The following MTCL1 variants were observed in gnomAD, a reference collection of about 807,000 sequenced individuals.
MTCL1 encodes microtubule cross-linking factor 1.
In MTCL1, 79 loss-of-function variants were observed where a neutral mutation model predicts 141.4. The observed-to-expected ratio is 0.56, with a 90% CI of 0.47 to 0.67. MTCL1 has a LOEUF of 0.67. Ranked by LOEUF, MTCL1 falls within the 30% of genes least tolerant of loss-of-function variation. The pLI, the probability that MTCL1 is intolerant of heterozygous loss-of-function variation, is 0.00. For synonymous variants in MTCL1, 914 were observed against 875.8 expected, an observed-to-expected ratio of 1.04 and a Z score of -0.77; for missense variants, 2,177 against 2,113.9, an observed-to-expected ratio of 1.03 and a Z score of -0.59.
At chr18:8,831,517 T>G (rs1232209125) in intron 16 of MTCL1, 90 bp from the exon 15 acceptor site, 1 of 1,503,396 alleles carries the variant, frequency 6.7e-7, no homozygotes, top group Non-Finnish European at 8.9e-7. Flanking sequence ...TTCATCTCAC[T>G]TGAGTCTGTT....
chr18:8,785,238 A>G (rs2096548125), intron 6 of MTCL1, among the ~76,000 whole-genome samples: 1 of 152,126 alleles, frequency 6.6e-6, no homozygotes, highest in Non-Finnish European at 1.5e-5. Flanking sequence ...AGGCTAAGAC[A>G]AACGCATGTC....
intron 11 of MTCL1, among the ~76,000 whole-genome samples, chr18:8,812,149 T>G (rs1419026449): frequency 2.6e-5 from 4 of 152,142 alleles, no homozygotes; most frequent in Non-Finnish European, 5.9e-5. Context: ...AAATAATGAG[T>G]TTTATATTTA....
At chr18:8,789,432 C>T in intron 7 of MTCL1, 1 of 985,418 alleles carries the variant, frequency 1.0e-6, no homozygotes, top group African/African-American at 1.7e-5. Context: ...GAAAAGCCTT[C>T]CTTTTCTGTT....
intron 4 of MTCL1, among the ~76,000 whole-genome samples, chr18:8,772,022 AC>A (rs1425207013): frequency 6.6e-6 from 1 of 152,220 alleles, no homozygotes; most frequent in African/African-American, 2.4e-5. Context: ...TGGACACTTC[AC>A]CCAGAGTCCG....
exon 17 of MTCL1, chr18:8,831,723 G>A (rs2077197931): frequency 2.6e-6 from 4 of 1,550,444 alleles, no homozygotes; most frequent in Admixed American, 3.9e-5. Flanking sequence ...CTGCCTCACA[G>A]CCTCAGTCAC....
intron 4 of MTCL1, among the ~76,000 whole-genome samples, chr18:8,768,416 C>T (rs2096469206): frequency 6.6e-6 from 1 of 152,182 alleles, no homozygotes; most frequent in East Asian, 1.9e-4. Flanking sequence ...CAAAGTTTTA[C>T]TACTGTAATG....
chr18:8,788,033 C>A (rs148332188), intron 7 of MTCL1, among the ~76,000 whole-genome samples: 1 of 152,208 alleles, frequency 6.6e-6, no homozygotes, highest in African/African-American at 2.4e-5. Flanking sequence ...CTCTTAAAAG[C>A]CTTTTAATGA....
In MTCL1 at chr18:8,798,098, G is replaced by A. The variant is rs778562357; in HGVS notation, c.2243G>A (p.Gly748Asp). Residue 748 changes from glycine (G) to aspartate (D), a missense_variant and splice_region_variant, in exon 10 of 17, where the codon GGT becomes GAT. Coordinates refer to ENST00000359865, the Ensembl canonical transcript of MTCL1. ...ATCGTCACCTCCTGCCTGTTTCAGG[G>A]TGAACATCCAGAGACCCTCTCCAGG... 6.0e-5 allele frequency: 95 copies of A among 1,579,720 alleles called. No individual in the cohort carries two copies. Among genetic ancestry groups the A allele is most frequent in the Non-Finnish European group, 8.1e-5 (94 of 1,167,620 alleles).
intron 4 of MTCL1, among the ~76,000 whole-genome samples, chr18:8,743,536 C>G (rs1365367669): frequency 6.6e-6 from 1 of 152,244 alleles, no homozygotes; most frequent in East Asian, 1.9e-4. Flanking sequence ...ATGAAGTTTT[C>G]TGCAAGACTG....
intron 1 of MTCL1, among the ~76,000 whole-genome samples, chr18:8,710,874 T>A (rs1217896011): frequency 1.8e-5 from 2 of 113,432 alleles, no homozygotes; most frequent in Admixed American, 1.0e-4. Flanking sequence ...TTTTCTTTTT[T>A]CTTTTTTTTT....
chr18:8,825,197 C>T (rs776400433), exon 15 of MTCL1: 10 of 1,581,556 alleles, frequency 6.3e-6, no homozygotes, highest in Admixed American at 3.5e-5. Context: ...CCAAGGGAGG[C>T]CCTCCAGAAC....
chr18:8,825,149 CTT>C lies in MTCL1; in HGVS notation c.3641_3642del (p.Phe1214SerfsTer44). 1.9e-6 allele frequency: 3 copies of C among 1,584,134 alleles called. No individual in the cohort carries two copies. Among genetic ancestry groups the C allele is most frequent in the Non-Finnish European group, 2.6e-6 (3 of 1,164,150 alleles). ...TCACGGCGGCAGGTGGTGAGGGTCC[CTT>C]TCCCACAAGCAGAGCCAGAGGGAGC... On this transcript the variant is annotated frameshift_variant, in exon 15 of 17. Coordinates refer to ENST00000359865, the Ensembl canonical transcript of MTCL1. LOFTEE classifies it high-confidence loss of function.
At chr18:8,728,387 T>C (rs1235493445) in intron 4 of MTCL1, among the ~76,000 whole-genome samples, 1 of 152,162 alleles carries the variant, frequency 6.6e-6, no homozygotes, top group Non-Finnish European at 1.5e-5. Flanking sequence ...ACTTTGAAGA[T>C]AATATTTTAT....
intron 9 of MTCL1, among the ~76,000 whole-genome samples, chr18:8,797,600 T>C (rs2143902221): frequency 6.6e-6 from 1 of 152,360 alleles, no homozygotes; most frequent in Middle Eastern, 3.4e-3. Flanking sequence ...ACCTTTTGTC[T>C]GGTTTTCACT....
chr18:8,717,014 G>A (rs1023194068), upstream of MTCL1, among the ~76,000 whole-genome samples: 2 of 152,148 alleles, frequency 1.3e-5, no homozygotes, highest in Admixed American at 6.5e-5. Flanking sequence ...CAAAGCGAGC[G>A]TGCAGTTGTG....
chr18:8,794,280 T>C (rs12326073), intron 8 of MTCL1, among the ~76,000 whole-genome samples: 30,460 of 152,108 alleles, frequency 0.2, 3,169 homozygotes, highest in East Asian at 0.26. Flanking sequence ...GGGTTAATGA[T>C]GAAGGAGTAT....
chr18:8,809,275 C>T (rs633286), intron 11 of MTCL1, among the ~76,000 whole-genome samples: 45,072 of 152,070 alleles, frequency 0.3, 7,089 homozygotes, highest in African/African-American at 0.39. Flanking sequence ...ATTGCCAAAC[C>T]AGAATAGGAA....
intron 4 of MTCL1, among the ~76,000 whole-genome samples, chr18:8,760,009 C>G (rs1007206477): frequency 2.6e-5 from 4 of 152,164 alleles, no homozygotes; most frequent in African/African-American, 9.7e-5. Context: ...AGAAGCGACT[C>G]CAGCTGTATG....
At chr18:8,798,359 G>C in intron 10 of MTCL1, 68 bp downstream of exon 9, 1 of 1,338,212 alleles carries the variant, frequency 7.5e-7, no homozygotes, top group Non-Finnish European at 9.7e-7. Context: ...AGCTGCATTT[G>C]GGTCGTTTTG....
Sources: allele counts gnomAD v4.1 joint callset (sites outside exome capture counted in the v4.1 genomes callset), GRCh38; gene constraint gnomAD v4.1.1; transcripts MANE v1.5; gene names NCBI Gene and HGNC (gene_info 2026-07-23, HGNC 2026-07-21).